The following BMPR2 variants were observed in gnomAD, a reference collection of about 807,000 sequenced individuals.
The protein encoded by BMPR2 is bone morphogenetic protein receptor type 2.
Under a neutral mutation model 100.8 loss-of-function variants are expected in BMPR2, and 29 were observed. The observed-to-expected ratio is 0.29, with a 90% CI of 0.21 to 0.39. BMPR2 has a LOEUF of 0.39. Among genes scored for constraint, BMPR2 ranks in the 10% least tolerant of loss-of-function variants. The probability of loss-of-function intolerance (pLI) is 1.00; values close to 1 mark genes in which losing one functional copy is unlikely to be tolerated. For missense variants in BMPR2, 1,011 were observed against 1,274.5 expected (o/e 0.79, Z 3.15); for synonymous variants, 382 against 442.3 (o/e 0.86, Z 1.71).
intron 1 of BMPR2, among the ~76,000 whole-genome samples, chr2:202,452,506 A>G (rs1179915615): frequency 4.6e-5 from 7 of 152,156 alleles, no homozygotes; most frequent in African/African-American, 1.4e-4. Flanking sequence ...TCTAGTAGTC[A>G]GGCATTGTGG....
rs71406978 is a variant in BMPR2 at position 202,446,656 on chromosome 2, A to ATT, written c.77-18141_77-18140dup. 2.7e-3 allele frequency among the ~76,000 whole-genome samples: 387 copies of ATT among 142,136 alleles called. 3 individuals are homozygous for ATT. Among genetic ancestry groups the ATT allele is most frequent in the Non-Finnish European group, 4.4e-3 (292 of 65,916 alleles). The allele number at this position is 142,136 out of a possible 152,430, so 93.2% of individuals were successfully genotyped here. A position where few individuals can be genotyped will look rare whatever the true frequency, so the allele number is the denominator to read the frequency against. On this transcript the variant is annotated intron_variant, in intron 1 of 12. Transcript: ENST00000374580. ...TGCCCATGTGCACACACTCACATACATTTTTTTTTTTTTGAAACAGAGTCT... is the reference window on the plus strand; with the variant it reads ...TGCCCATGTGCACACACTCACATACATTTTTTTTTTTTTTTGAAACAGAGTCT...
At chr2:202,543,529 T>C (rs1021401708) in intron 10 of BMPR2, among the ~76,000 whole-genome samples, 5 of 151,742 alleles carry the variant, frequency 3.3e-5, no homozygotes, top group African/African-American at 4.8e-5. Flanking sequence ...CATATAATGA[T>C]TCTATTGGAT....
At chr2:202,489,800 A>G (rs1024825764) in intron 3 of BMPR2, among the ~76,000 whole-genome samples, 2 of 152,246 alleles carry the variant, frequency 1.3e-5, no homozygotes, top group Non-Finnish European at 2.9e-5. Context: ...TGAAAGTTTT[A>G]TATGTTGACA....
chr2:202,426,588 AAAG>A (rs1472418396), intron 1 of BMPR2, among the ~76,000 whole-genome samples: 5 of 151,330 alleles, frequency 3.3e-5, no homozygotes, highest in Admixed American at 6.6e-5. Flanking sequence ...AAAAAAAAAA[AAAG>A]TAAATTTTGG....
At chr2:202,559,472 T>C (rs556777082) in intron 12 of BMPR2, among the ~76,000 whole-genome samples, 2 of 152,306 alleles carry the variant, frequency 1.3e-5, no homozygotes, top group African/African-American at 2.4e-5. Flanking sequence ...TTCCCTTGCC[T>C]TATAAAATAA....
intron 3 of BMPR2, among the ~76,000 whole-genome samples, chr2:202,480,952 C>CCAAAAA (rs1485285986): frequency 2.2e-5 from 1 of 46,278 alleles, no homozygotes; most frequent in African/African-American, 1.2e-4. Context: ...GAGACTCCGT[C>CCAAAAA]TAAAAAAAAA....
In BMPR2 at chr2:202,377,557, A is replaced by C; in HGVS notation, c.76+7A>C. The C allele has an allele frequency of 6.2e-7, 1 of 1,613,898 alleles. No individual in the cohort carries two copies. On this transcript the variant is annotated splice_region_variant and intron_variant, in intron 1 of 12. Coordinates refer to ENST00000374580, the MANE Select transcript of BMPR2 (RefSeq NM_001204.7). ...CTGGTCAGCACTGCGGCTGGTGAGTAGCTCCGGCCGGCACGTCCCGGCCAC... is the reference window on the plus strand; with the variant it reads ...CTGGTCAGCACTGCGGCTGGTGAGTCGCTCCGGCCGGCACGTCCCGGCCAC...
chr2:202,385,372 T>TC (rs1690405527), intron 1 of BMPR2, among the ~76,000 whole-genome samples: 1 of 143,552 alleles, frequency 7.0e-6, no homozygotes, highest in Admixed American at 6.9e-5. Flanking sequence ...TTTTTTTTTT[T>TC]TTTTTTTTTT....
intron 1 of BMPR2, among the ~76,000 whole-genome samples, chr2:202,411,015 G>A (rs879670106): frequency 4.6e-5 from 7 of 152,110 alleles, no homozygotes; most frequent in African/African-American, 1.7e-4. Context: ...AGGAGTGATG[G>A]AAATAGAAAA....
chr2:202,391,034 C>A (rs2105902908), intron 1 of BMPR2, among the ~76,000 whole-genome samples: 1 of 123,744 alleles, frequency 8.1e-6, no homozygotes, highest in South Asian at 2.7e-4. Context: ...CTCTTGTTGC[C>A]CAGGCTGGGG....
At chr2:202,530,053 C>T (rs1046961863) in intron 7 of BMPR2, among the ~76,000 whole-genome samples, 2 of 152,084 alleles carry the variant, frequency 1.3e-5, no homozygotes, top group South Asian at 4.1e-4. Context: ...TTTCAGTCAG[C>T]AATCATTTAC....
chr2:202,403,018 G>A (rs1351767308), intron 1 of BMPR2, among the ~76,000 whole-genome samples: 4 of 151,404 alleles, frequency 2.6e-5, no homozygotes. Context: ...AGTAGAGATG[G>A]GATTTCTCCA....
At position 202,376,969 on chromosome 2, in the gene BMPR2, C is replaced by A; in HGVS notation, c.-506C>A. 2.2e-6 allele frequency: 1 copy of A among 448,254 alleles called. No homozygotes were observed. Among genetic ancestry groups the A allele is most frequent in the Non-Finnish European group, 3.9e-6 (1 of 256,270 alleles). The allele number at this position is 448,254 out of a possible 1,614,324, so 27.8% of individuals were successfully genotyped here. On this transcript the variant is annotated 5_prime_UTR_variant, in exon 1 of 13. Transcript: ENST00000374580. ...CGAAGCGAAACTTAAGGAATCCTGC[C>A]TTCCCGGAGCCGCGGGCGATGCGAC...
intron 3 of BMPR2, among the ~76,000 whole-genome samples, chr2:202,472,517 G>A (rs1322063985): frequency 1.3e-5 from 2 of 152,112 alleles, no homozygotes; most frequent in Admixed American, 6.6e-5. Context: ...AAATTAGCCG[G>A]GCATGGTGGC....
intron 2 of BMPR2, among the ~76,000 whole-genome samples, chr2:202,466,475 TAG>T (rs1692325234): frequency 6.6e-6 from 1 of 151,892 alleles, no homozygotes; most frequent in Non-Finnish European, 1.5e-5. Context: ...TTAGTGGAGA[TAG>T]AGTTTTGCCA....
chr2:202,408,039 T>C (rs571905685), intron 1 of BMPR2, among the ~76,000 whole-genome samples: 15 of 152,040 alleles, frequency 9.9e-5, no homozygotes, highest in Admixed American at 5.2e-4. Context: ...TTCACCGTGT[T>C]AGCCAGGATG....
intron 7 of BMPR2, among the ~76,000 whole-genome samples, chr2:202,524,700 G>A (rs1687876393): frequency 6.6e-6 from 1 of 152,046 alleles, no homozygotes; most frequent in African/African-American, 2.4e-5. Flanking sequence ...CCAAGATCTC[G>A]CCACTGCACT....
At chr2:202,422,456 G>A (rs1376599268) in intron 1 of BMPR2, among the ~76,000 whole-genome samples, 2 of 151,286 alleles carry the variant, frequency 1.3e-5, no homozygotes, top group East Asian at 2.0e-4. Context: ...ACAGGTGTCC[G>A]CCACCATGCC....
At chr2:202,518,752 C>T (rs1335875424) in intron 5 of BMPR2, 70 bp from the exon 6 acceptor site, 1 of 1,226,038 alleles carries the variant, frequency 8.2e-7, no homozygotes, top group Non-Finnish European at 1.2e-6. Context: ...TAAATTTGTA[C>T]TTTATTATTT....
Sources: gnomAD v4.1 joint callset for allele counts (sites outside exome capture counted in the v4.1 genomes callset) on GRCh38, gnomAD v4.1.1 for gene constraint, MANE v1.5 for transcripts, NCBI Gene and HGNC (gene_info 2026-07-23, HGNC 2026-07-21) for gene names.